The following CTNND2 variants were observed in gnomAD, a reference collection of about 807,000 sequenced individuals.
CTNND2 encodes catenin delta 2.
CTNND2 carries 22 observed loss-of-function variants against 144.4 expected under a neutral mutation model. The ratio of observed to expected loss-of-function variants is 0.15; its 90% CI spans 0.11 to 0.22. The LOEUF (loss-of-function observed/expected upper bound fraction) is 0.22. Among genes scored for constraint, CTNND2 ranks in the 10% least tolerant of loss-of-function variants. The probability of loss-of-function intolerance (pLI) is 1.00; values close to 1 mark genes in which losing one functional copy is unlikely to be tolerated. For missense variants in CTNND2, 1,353 were observed against 1,618.8 expected, an observed-to-expected ratio of 0.84 and a Z score of 2.82; for synonymous variants, 751 against 695.6, an observed-to-expected ratio of 1.08 and a Z score of -1.25.
intron 15 of CTNND2, among the ~76,000 whole-genome samples, chr5:11,091,673 T>C (rs1750788939): frequency 6.6e-6 from 1 of 152,200 alleles, no homozygotes; most frequent in Non-Finnish European, 1.5e-5. Context: ...GACTAGAGCA[T>C]GGTTAGTCCA....
At chr5:11,437,131 T>G (rs1433789266) in intron 3 of CTNND2, among the ~76,000 whole-genome samples, 1 of 152,244 alleles carries the variant, frequency 6.6e-6, no homozygotes, top group Non-Finnish European at 1.5e-5. Flanking sequence ...ATTATTGTTA[T>G]GTATTTCCAT....
intron 1 of CTNND2, among the ~76,000 whole-genome samples, chr5:11,785,873 C>A (rs142213930): frequency 2.0e-5 from 3 of 152,314 alleles, no homozygotes; most frequent in South Asian, 2.1e-4. Context: ...GGTCTGGAAG[C>A]CAGCCATGGA....
intron 3 of CTNND2, among the ~76,000 whole-genome samples, chr5:11,455,399 A>G (rs1171600125): frequency 6.6e-6 from 1 of 152,204 alleles, no homozygotes; most frequent in Admixed American, 6.5e-5. Context: ...TGGTGCATAC[A>G]CTATGATCAT....
chr5:11,816,677 GAGGGGGGGAGAGAGGGGGGA>G (rs1792698114), intron 1 of CTNND2, among the ~76,000 whole-genome samples: 1 of 78 alleles, frequency 0.013, no homozygotes, highest in African/African-American at 0.013. Context: ...GAGAGAGAGA[GAGGGGGGGAGAGAGGGGGGA>G]GAGAGAGAGA....
chr5:11,794,228 C>T (rs1791285040), intron 1 of CTNND2, among the ~76,000 whole-genome samples: 1 of 152,234 alleles, frequency 6.6e-6, no homozygotes, highest in Admixed American at 6.5e-5. Context: ...ATGGCACCAA[C>T]TGGCATCCTC....
intron 3 of CTNND2, among the ~76,000 whole-genome samples, chr5:11,509,491 G>GA (rs779541618): frequency 1.3e-5 from 2 of 151,942 alleles, no homozygotes; most frequent in African/African-American, 4.8e-5. Context: ...ACTGAATAAT[G>GA]AAAAAAAGGA....
At chr5:11,572,989 G>A (rs1777690299) in intron 2 of CTNND2, among the ~76,000 whole-genome samples, 1 of 152,072 alleles carries the variant, frequency 6.6e-6, no homozygotes, top group Admixed American at 6.6e-5. Context: ...TTCCTTAGAT[G>A]TTCTACCTGG....
At chr5:11,796,954 G>T (rs1237621978) in intron 1 of CTNND2, among the ~76,000 whole-genome samples, 1 of 152,170 alleles carries the variant, frequency 6.6e-6, no homozygotes. Flanking sequence ...GAGCACAGGA[G>T]TGAGGAATTT....
chr5:11,102,307 G>A (rs1434062909), intron 14 of CTNND2, among the ~76,000 whole-genome samples: 1 of 152,202 alleles, frequency 6.6e-6, no homozygotes, highest in Non-Finnish European at 1.5e-5. Context: ...TATCACTAGT[G>A]TAATACTGAA....
chr5:11,820,645 T>C (rs1413992435), intron 1 of CTNND2, among the ~76,000 whole-genome samples: 1 of 152,220 alleles, frequency 6.6e-6, no homozygotes, highest in Admixed American at 6.5e-5. Flanking sequence ...TTTACACAAC[T>C]GCTCCAAATC....
intron 1 of CTNND2, among the ~76,000 whole-genome samples, chr5:11,841,986 T>C (rs1056663035): frequency 3.3e-5 from 5 of 152,002 alleles, no homozygotes; most frequent in African/African-American, 9.7e-5. Context: ...CTGGTAAATA[T>C]TGCAATGCAA....
chr5:11,367,984 T>C (rs1480838177), intron 7 of CTNND2, among the ~76,000 whole-genome samples: 1 of 152,176 alleles, frequency 6.6e-6, no homozygotes, highest in African/African-American at 2.4e-5. Context: ...GTTTTGCTCT[T>C]CCTATTTCTT....
At chr5:11,075,610 C>T (rs918624740) in intron 16 of CTNND2, among the ~76,000 whole-genome samples, 4 of 152,230 alleles carry the variant, frequency 2.6e-5, no homozygotes, top group South Asian at 2.1e-4. Flanking sequence ...AGCCCTGGTT[C>T]GCCTGCTGGA....
chr5:11,748,965 T>G (rs1788461562), intron 1 of CTNND2, among the ~76,000 whole-genome samples: 1 of 152,156 alleles, frequency 6.6e-6, no homozygotes, highest in South Asian at 2.1e-4. Context: ...GATCTCTCTT[T>G]GATCATTCAC....
At chr5:11,413,042 G>A (rs574400512) in intron 3 of CTNND2, among the ~76,000 whole-genome samples, 2 of 152,200 alleles carry the variant, frequency 1.3e-5, no homozygotes, top group Admixed American at 1.3e-4. Flanking sequence ...CATGACTGGC[G>A]TAAATGAAAA....
In CTNND2 at chr5:11,573,390, A is replaced by G. The variant is rs1374694133; in HGVS notation, c.175-8334T>C. On this transcript the variant is annotated intron_variant, in intron 2 of 21. Transcript: ENST00000304623. ...TTTTCTTACATCACTTTTAATTCCC[A>G]TTTCACATGAATGAGTTGACTCTAC... 2.6e-5 allele frequency among the ~76,000 whole-genome samples: 4 copies of G among 152,048 alleles called. No individual in the cohort carries two copies. The East Asian group carries it at 7.7e-4, about 29-fold the overall frequency.
intron 1 of CTNND2, among the ~76,000 whole-genome samples, chr5:11,782,104 G>A (rs932217493): frequency 2.6e-5 from 4 of 152,234 alleles, no homozygotes; most frequent in South Asian, 4.2e-4. Context: ...CAGTTCCCCT[G>A]CACACACTCT....
chr5:11,339,672 A>G (rs558526141), intron 9 of CTNND2, among the ~76,000 whole-genome samples: 13 of 152,114 alleles, frequency 8.5e-5, no homozygotes, highest in Non-Finnish European at 1.8e-4. Flanking sequence ...TTGGGAGGTG[A>G]CTAGGTTATG....
rs544557582 is a variant in CTNND2 at position 11,410,321 on chromosome 5, T to A, written c.439+1215A>T. ...AATCTGTGTATACACAGCAATGTTA[T>A]CCTAACAGTAATGGTATTACAAAGA... On this transcript the variant is annotated intron_variant, in intron 5 of 21. Coordinates refer to ENST00000304623, the MANE Select transcript of CTNND2 (RefSeq NM_001332.4). Among the ~76,000 whole-genome samples, 9 of 152,294 alleles carry A rather than the reference T, an allele frequency of 5.9e-5. No homozygotes were observed. The South Asian group carries it at 1.9e-3, about 32-fold the overall frequency.
Sources: gnomAD v4.1 joint callset for allele counts (sites outside exome capture counted in the v4.1 genomes callset) on GRCh38, gnomAD v4.1.1 for gene constraint, MANE v1.5 for transcripts, NCBI Gene and HGNC (gene_info 2026-07-23, HGNC 2026-07-21) for gene names.